The following SEL1L variants were observed in gnomAD, a reference collection of about 807,000 sequenced individuals.
SEL1L encodes the protein protein sel-1 homolog 1.
A neutral mutation model predicts 109.8 loss-of-function variants in SEL1L; 52 were observed. That is an observed-to-expected ratio of 0.47 (90% CI 0.38 to 0.60). The LOEUF is 0.60. Among genes scored for constraint, SEL1L ranks in the 20% least tolerant of loss-of-function variants. SEL1L has a pLI of 0.00. For synonymous variants in SEL1L, 373 were observed against 339.6 expected, an observed-to-expected ratio of 1.10 and a Z score of -1.08; for missense variants, 749 against 962.2, an observed-to-expected ratio of 0.78 and a Z score of 2.93.
intron 3 of SEL1L, among the ~76,000 whole-genome samples, chr14:81,509,293 C>T (rs77442891): frequency 6.6e-6 from 1 of 152,160 alleles, no homozygotes; most frequent in African/African-American, 2.4e-5. Context: ...AAAACCTCCA[C>T]CAGAAGAGTA....
chr14:81,481,333 A>G (rs1006481673), intron 19 of SEL1L, among the ~76,000 whole-genome samples: 3 of 152,210 alleles, frequency 2.0e-5, no homozygotes, highest in Non-Finnish European at 4.4e-5. Context: ...CCCCCTCCAA[A>G]CATATTTAAA....
At chr14:81,480,595 TGTA>T (rs1423789619) in intron 19 of SEL1L, among the ~76,000 whole-genome samples, 5 of 152,150 alleles carry the variant, frequency 3.3e-5, no homozygotes, top group Non-Finnish European at 7.4e-5. Flanking sequence ...GGCGCCTGCC[TGTA>T]GTCCCAGCTA....
intron 8 of SEL1L, 37 bp from the exon 9 acceptor site, chr14:81,498,531 A>G (rs1210307141): frequency 1.0e-5 from 15 of 1,472,132 alleles, no homozygotes; most frequent in Non-Finnish European, 1.4e-5. Flanking sequence ...CAGCAGTTTC[A>G]TGTACTTCAG....
At chr14:81,503,596 T>C (rs1021210506) in intron 5 of SEL1L, among the ~76,000 whole-genome samples, 3 of 152,188 alleles carry the variant, frequency 2.0e-5, no homozygotes, top group Non-Finnish European at 2.9e-5. Context: ...GTTCTCCCTG[T>C]TATCCTAATA....
intron 19 of SEL1L, 108 bp from the exon 20 acceptor site, chr14:81,479,848 A>G: frequency 1.8e-6 from 2 of 1,089,564 alleles, no homozygotes; most frequent in Non-Finnish European, 2.5e-6. Context: ...TCATTTTAAA[A>G]TGAGTTTCCC....
rs755855968 is a variant in SEL1L at position 81,479,726 on chromosome 14, C to A, written c.2061G>T (p.Ala687=). 1 of 1,613,180 alleles carries A rather than the reference C, an allele frequency of 6.2e-7. No homozygotes were observed. The highest frequency in any genetic ancestry group is 1.7e-5 in the Admixed American group (1 of 59,780). Residue 687 remains alanine (A), a synonymous_variant, in exon 20 of 21, where the codon GCG becomes GCT. Transcript: ENST00000336735. Reference sequence around the variant, plus strand: ...CAGCTGCCATGTCATAAAAACGTTTCGCAAGGTGAATATCCTATAATACAG... The same window carrying A: ...CAGCTGCCATGTCATAAAAACGTTTAGCAAGGTGAATATCCTATAATACAG... ...GLGIKQDIHL[A]KRFYDMAAEA... is the part of the protein sequence containing the mutation.
intron 3 of SEL1L, among the ~76,000 whole-genome samples, chr14:81,514,013 C>T (rs1884596695): frequency 6.6e-6 from 1 of 152,244 alleles, no homozygotes; most frequent in Admixed American, 6.5e-5. Context: ...CCTCTCGCCT[C>T]TCTTCTCTGA....
At chr14:81,533,561 G>A in intron 1 of SEL1L, 114 bp downstream of exon 1, 1 of 959,970 alleles carries the variant, frequency 1.0e-6, no homozygotes. Context: ...AGCCCAGTGC[G>A]AGATGTGCCC....
intron 1 of SEL1L, among the ~76,000 whole-genome samples, chr14:81,530,373 G>T (rs892491836): frequency 3.9e-5 from 6 of 152,164 alleles, no homozygotes; most frequent in Non-Finnish European, 7.3e-5. Context: ...AGCTTGCTCA[G>T]CCTCTGTTTC....
In SEL1L at chr14:81,476,088, C is replaced by T. The variant is rs1903149835; in HGVS notation, c.*884G>A. On this transcript the variant is annotated 3_prime_UTR_variant, in exon 21 of 21. Transcript: ENST00000336735. ...TGCTTCAACTTTAGGAAAAGTATGT[C>T]TGTGTCTGTGATCGTAGTACCCCAA... 6.6e-6 allele frequency: 1 copy of T among 152,202 alleles called. No individual in the cohort carries two copies. Among genetic ancestry groups the T allele is most frequent in the African/African-American group, 2.4e-5 (1 of 41,454 alleles). 9.4% of individuals were successfully genotyped at this position (152,202 alleles called of 1,614,324 possible).
chr14:81,492,606 T>G (rs751452105), intron 11 of SEL1L, 58 bp from the exon 12 acceptor site: 25 of 1,130,780 alleles, frequency 2.2e-5, no homozygotes, highest in Non-Finnish European at 3.2e-5. Context: ...CTTTTGACTT[T>G]CAGCCAAAAT....
chr14:81,475,334 G>C lies in SEL1L; in HGVS notation c.*1638C>G, dbSNP rs1903126072. On this transcript the variant is annotated 3_prime_UTR_variant, in exon 21 of 21. Coordinates refer to ENST00000336735, the MANE Select transcript of SEL1L (RefSeq NM_005065.6). ...TTGGAAGCAATTATCTGGGAGGAAAGTTTTGCTTACCAGGTTTCCCATAAT... is the reference window on the plus strand; with the variant it reads ...TTGGAAGCAATTATCTGGGAGGAAACTTTTGCTTACCAGGTTTCCCATAAT... 1 of 152,590 alleles carries C rather than the reference G, an allele frequency of 6.6e-6. No homozygotes were observed. The highest frequency in any genetic ancestry group is 2.4e-5 in the African/African-American group (1 of 41,442). 9.5% of individuals were successfully genotyped at this position (152,590 alleles called of 1,614,324 possible).
At chr14:81,480,257 C>T (rs180757550) in intron 19 of SEL1L, among the ~76,000 whole-genome samples, 1 of 152,128 alleles carries the variant, frequency 6.6e-6, no homozygotes, top group Admixed American at 6.5e-5. Context: ...GGCGCGATCT[C>T]GGCTCACTGC....
intron 1 of SEL1L, among the ~76,000 whole-genome samples, chr14:81,529,571 T>TA (rs879591995): frequency 6.6e-6 from 1 of 152,208 alleles, no homozygotes; most frequent in Non-Finnish European, 1.5e-5. Flanking sequence ...TGTTAGGCAT[T>TA]AGAGTAGCAA....
intron 10 of SEL1L, among the ~76,000 whole-genome samples, chr14:81,497,664 G>A (rs1298543534): frequency 2.0e-5 from 3 of 152,026 alleles, no homozygotes; most frequent in Non-Finnish European, 4.4e-5. Flanking sequence ...ACAGTTTTAG[G>A]AACCCTCAAT....
Position 81,533,727 on chromosome 14 carries a change from C to T in SEL1L, c.18G>A (p.Gly6=), listed in dbSNP as rs755226689. 5 of 1,613,410 alleles carry T rather than the reference C, an allele frequency of 3.1e-6. No individual in the cohort carries two copies. The African/African-American group carries it at 6.7e-5, about 22-fold the overall frequency. ...GCACCGCACACAGCAGCAGCGTCAG[C>T]CCTATCCGGACCCGCATCCTCCTCT... The part of the protein sequence containing the change: MRVRI[G]LTLLLCAVLL... Residue 6 remains glycine, a synonymous_variant, in exon 1 of 21, where the codon GGG becomes GGA. Transcript: ENST00000336735.
chr14:81,512,884 A>G (rs1172759539), intron 3 of SEL1L, among the ~76,000 whole-genome samples: 3 of 152,228 alleles, frequency 2.0e-5, no homozygotes, highest in Non-Finnish European at 4.4e-5. Context: ...TAACACAGCA[A>G]GCCTGACTAG....
intron 3 of SEL1L, among the ~76,000 whole-genome samples, chr14:81,511,919 A>G (rs970480046): frequency 6.6e-6 from 1 of 152,216 alleles, no homozygotes; most frequent in African/African-American, 2.4e-5. Flanking sequence ...GAAAAATGAC[A>G]GTTATCTTTA....
rs1373389235 is a variant in SEL1L at position 81,506,279 on chromosome 14, A to C, written c.341-38T>G. ...GAAATAAAAATCTAAACATGAAACA[A>C]CACCTCTGGTATTCATGGATTCAAT... On this transcript the variant is annotated intron_variant, in intron 3 of 20. Transcript: ENST00000336735. The C allele has an allele frequency of 1.0e-5, 15 of 1,507,120 alleles. No homozygotes were observed. The Admixed American group carries it at 1.1e-4, about 11-fold the overall frequency. 93.4% of individuals were successfully genotyped at this position (1,507,120 alleles called of 1,614,324 possible).
Sources: gnomAD v4.1 joint callset for allele counts (sites outside exome capture counted in the v4.1 genomes callset) on GRCh38, gnomAD v4.1.1 for gene constraint, MANE v1.5 for transcripts, NCBI Gene and HGNC (gene_info 2026-07-23, HGNC 2026-07-21) for gene names.